ULK4: variants seen among roughly 807,000 people sequenced by gnomAD.
ULK4 encodes the protein inactive serine/threonine-protein kinase ULK4.
In ULK4, 133 loss-of-function variants were observed where a neutral mutation model predicts 160.6. The observed-to-expected ratio is 0.83, with a 90% CI of 0.72 to 0.96. The LOEUF is 0.96. Among genes scored for constraint, ULK4 ranks in the 40% least tolerant of loss-of-function variants. The pLI is 0.00. For missense variants in ULK4, 1,580 were observed against 1,499.5 expected, an observed-to-expected ratio of 1.05 and a Z score of -0.89; for synonymous variants, 534 against 539.8, an observed-to-expected ratio of 0.99 and a Z score of 0.15.
chr3:41,945,781 C>T (rs952215225), intron 2 of ULK4, among the ~76,000 whole-genome samples: 1 of 152,160 alleles, frequency 6.6e-6, no homozygotes, highest in African/African-American at 2.4e-5. Context: ...AATTAAAATG[C>T]CCGAATCCAT....
At chr3:41,880,212 T>C (rs1173789621) in intron 17 of ULK4, among the ~76,000 whole-genome samples, 1 of 152,210 alleles carries the variant, frequency 6.6e-6, no homozygotes, top group Non-Finnish European at 1.5e-5. Flanking sequence ...ATATATTGGC[T>C]TAATATCAGA....
intron 12 of ULK4, among the ~76,000 whole-genome samples, chr3:41,903,404 G>A (rs1367456438): frequency 6.6e-6 from 1 of 152,140 alleles, no homozygotes; most frequent in Non-Finnish European, 1.5e-5. Flanking sequence ...GGCCAAAATG[G>A]TGAAACCCCA....
chr3:41,267,561 T>C (rs998024464), intron 35 of ULK4, among the ~76,000 whole-genome samples: 3 of 152,210 alleles, frequency 2.0e-5, no homozygotes, highest in Admixed American at 6.5e-5. Flanking sequence ...ATGGTGTTTC[T>C]GATTCTAGAT....
At position 41,956,257 on chromosome 3, in the gene ULK4, T is replaced by C. The variant is rs75133830; in HGVS notation, c.-48-1450A>G. On this transcript the variant is annotated intron_variant, in intron 1 of 36. Coordinates refer to ENST00000301831, the MANE Select transcript of ULK4 (RefSeq NM_017886.4). ...AATGAAATTGGCTGACTGCAACCAA[T>C]AGACCGATTGCAGGCCACCACTTGA... is the stretch of plus-strand genomic sequence containing the variant. Among the ~76,000 whole-genome samples, 206 of 152,232 alleles carry C rather than the reference T, an allele frequency of 1.4e-3. 4 individuals carry two copies. In the East Asian group the frequency reaches 0.033, roughly 24 times the overall value.
intron 21 of ULK4, among the ~76,000 whole-genome samples, chr3:41,762,655 C>CGTT (rs538388454): frequency 2.5e-3 from 223 of 88,996 alleles, no homozygotes; most frequent in African/African-American, 9.8e-3. Context: ...AAGTGTTACA[C>CGTT]TTTTTTTTTT....
At chr3:41,877,350 T>C (rs1165868287) in intron 17 of ULK4, among the ~76,000 whole-genome samples, 1 of 151,578 alleles carries the variant, frequency 6.6e-6, no homozygotes, top group Non-Finnish European at 1.5e-5. Context: ...GTGTTTTTTT[T>C]TGAGACAGAG....
intron 32 of ULK4, among the ~76,000 whole-genome samples, chr3:41,524,594 G>C (rs1246322252): frequency 6.6e-6 from 1 of 152,132 alleles, no homozygotes; most frequent in African/African-American, 2.4e-5. Flanking sequence ...CTGTCACCAA[G>C]TACAGAGTCC....
chr3:41,689,888 C>A (rs1487220062), intron 27 of ULK4, among the ~76,000 whole-genome samples: 2 of 149,476 alleles, frequency 1.3e-5, no homozygotes, highest in African/African-American at 5.1e-5. Flanking sequence ...TGTGGCGATT[C>A]CTCAGGGATC....
chr3:41,410,812 T>A (rs960726270), intron 34 of ULK4, among the ~76,000 whole-genome samples: 1 of 151,968 alleles, frequency 6.6e-6, no homozygotes, highest in Non-Finnish European at 1.5e-5. Context: ...CAGGGAAAAA[T>A]GAAACAAAAC....
intron 16 of ULK4, among the ~76,000 whole-genome samples, chr3:41,891,595 C>T (rs776616168): frequency 2.0e-5 from 3 of 151,890 alleles, no homozygotes; most frequent in South Asian, 2.1e-4. Flanking sequence ...CACTGAGAGG[C>T]CTTCTTGAAA....
At chr3:41,573,647 C>A (rs916660243) in intron 31 of ULK4, among the ~76,000 whole-genome samples, 1 of 152,130 alleles carries the variant, frequency 6.6e-6, no homozygotes. Context: ...GTGTTGGGCA[C>A]GCAGCATCTA....
At chr3:41,673,697 C>CATAT (rs144131094) in intron 29 of ULK4, among the ~76,000 whole-genome samples, 22 of 151,296 alleles carry the variant, frequency 1.5e-4, no homozygotes, top group Non-Finnish European at 2.5e-4. Flanking sequence ...TACATACATA[C>CATAT]ATATATATAT....
chr3:41,484,458 C>CTTTTTTTTTTTTT (rs369059587), intron 32 of ULK4, among the ~76,000 whole-genome samples: 29,367 of 127,966 alleles, frequency 0.23, 4,407 homozygotes, highest in Non-Finnish European at 0.26. Flanking sequence ...CTTTCTTTTC[C>CTTTTTTTTTTTTT]TTTTTTTGTT....
intron 34 of ULK4, among the ~76,000 whole-genome samples, chr3:41,403,258 G>C (rs2082222397): frequency 6.6e-6 from 1 of 152,064 alleles, no homozygotes; most frequent in African/African-American, 2.4e-5. Context: ...CTTTTTAGGA[G>C]TATTAAATTA....
rs762653651 is a variant in ULK4 at position 41,566,041 on chromosome 3, T to C, written c.3210A>G (p.Glu1070=). ...GGCATTTACCTTGTTCATAAAGTAG[T>C]TCCATATTCGAATCTTTGCAGGCAA... ...NLVACKDSNM[E]LLYEQGLVSH... Residue 1070 remains glutamate, a synonymous_variant, in exon 32 of 37, where the codon GAA becomes GAG. Transcript: ENST00000301831. The C allele has an allele frequency of 6.2e-7, 1 of 1,613,558 alleles. No homozygotes were observed. Among genetic ancestry groups the C allele is most frequent in the East Asian group, 2.2e-5 (1 of 44,850 alleles).
intron 35 of ULK4, among the ~76,000 whole-genome samples, chr3:41,323,391 A>AACACACACACACACACACACACACAC (rs34357899): frequency 8.3e-6 from 1 of 120,266 alleles, no homozygotes; most frequent in African/African-American, 3.1e-5. Context: ...CCTGAACAAT[A>AACACACACACACACACACACACACAC]ACACACACAC....
intron 35 of ULK4, among the ~76,000 whole-genome samples, chr3:41,362,308 C>A (rs1194710742): frequency 1.3e-5 from 2 of 152,040 alleles, no homozygotes; most frequent in African/African-American, 4.8e-5. Flanking sequence ...AGAACAAAGA[C>A]AATTTTAACA....
At chr3:41,581,348 A>C (rs375363369) in intron 31 of ULK4, among the ~76,000 whole-genome samples, 5 of 152,212 alleles carry the variant, frequency 3.3e-5, no homozygotes, top group Admixed American at 2.6e-4. Context: ...ATTTGGACAC[A>C]ATGAATGGAT....
chr3:41,431,547 C>CTTTTT lies in ULK4; in HGVS notation c.3492+23945_3492+23949dup, dbSNP rs1553664758. Among the ~76,000 whole-genome samples, 11 of 95,854 alleles carry CTTTTT rather than the reference C, an allele frequency of 1.1e-4. 1 individual carries two copies. In the East Asian group the frequency reaches 1.8e-3, roughly 15 times the overall value. The allele number at this position is 95,854 out of a possible 152,430, so 62.9% of individuals were successfully genotyped here. A position where few individuals can be genotyped will look rare whatever the true frequency, so the allele number is the denominator to read the frequency against. ...CCTGTGAGGTGTTGTAATTCCCTCC[C>CTTTTT]TTTTTTTTTTTTTTTGATGTGGAAA... On this transcript the variant is annotated intron_variant, in intron 34 of 36. Transcript: ENST00000301831.
Sources: allele counts gnomAD v4.1 joint callset (sites outside exome capture counted in the v4.1 genomes callset), GRCh38; gene constraint gnomAD v4.1.1; transcripts MANE v1.5; gene names NCBI Gene and HGNC (gene_info 2026-07-23, HGNC 2026-07-21).